The following VLDLR variants were observed in gnomAD, a reference collection of about 807,000 sequenced individuals.
VLDLR encodes very low-density lipoprotein receptor.
A neutral mutation model predicts 112.7 loss-of-function variants in VLDLR; 81 were observed. That is an observed-to-expected ratio of 0.72 (90% CI 0.60 to 0.86). The LOEUF is 0.86. Ranked by LOEUF, VLDLR falls within the 40% of genes least tolerant of loss-of-function variation. VLDLR has a pLI of 0.00. For missense variants in VLDLR, 1,237 were observed against 1,099.4 expected, an observed-to-expected ratio of 1.13 and a Z score of -1.77; for synonymous variants, 436 against 384.8, an observed-to-expected ratio of 1.13 and a Z score of -1.56.
chr9:2,624,769 G>C (rs767655038), intron 1 of VLDLR, among the ~76,000 whole-genome samples: 1 of 152,190 alleles, frequency 6.6e-6, no homozygotes, highest in Non-Finnish European at 1.5e-5. Flanking sequence ...AAGGTATGAC[G>C]ATGATAGTAC....
At position 2,645,101 on chromosome 9, in the gene VLDLR, G is replaced by A; in HGVS notation, c.1312+19G>A. 1 of 1,614,016 alleles carries A rather than the reference G, an allele frequency of 6.2e-7. No homozygotes were observed. The highest frequency in any genetic ancestry group is 8.5e-7 in the Non-Finnish European group (1 of 1,180,006). Reference sequence around the variant, plus strand: ...GCAGTAGGTAAATGAACTTGGACTGGTATGGCTGTTGTACCTTTATGAGTA... The same window carrying A: ...GCAGTAGGTAAATGAACTTGGACTGATATGGCTGTTGTACCTTTATGAGTA... On this transcript the variant is annotated intron_variant, in intron 9 of 18. Coordinates refer to ENST00000382100, the MANE Select transcript of VLDLR (RefSeq NM_003383.5).
rs1031520071 is a variant in VLDLR, at chr9:2,656,085, G to C, written c.*2217G>C. The C allele has an allele frequency of 6.7e-6, 1 of 149,752 alleles. No individual in the cohort carries two copies. The highest frequency in any genetic ancestry group is 1.5e-5 in the Non-Finnish European group (1 of 67,764). 9.3% of individuals were successfully genotyped at this position (149,752 alleles called of 1,614,324 possible). On this transcript the variant is annotated 3_prime_UTR_variant, in exon 19 of 19. Transcript: ENST00000382100. ...CCCAAAGTTTGTTTTGGCAAATAAA[G>C]TATTATTCTCTATCATCATCTTTTG...
chr9:2,639,913 C>G lies in VLDLR; in HGVS notation c.257C>G (p.Pro86Arg), dbSNP rs759156082. ...DFVCNNGQCV[P>R]SRWKCDGDPD... ...GTGTGCAACAATGGCCAGTGTGTTC[C>G]CAGCCGATGGAAGTGTGATGGAGAT... is the stretch of plus-strand genomic sequence containing the variant. Residue 86 changes from proline (P) to arginine (R), a missense_variant, in exon 3 of 19, where the codon CCC (proline) becomes CGC (arginine). Physicochemically the swap from Pro to Arg is moderately radical, Grantham distance 103. Coordinates refer to ENST00000382100, the MANE Select transcript of VLDLR (RefSeq NM_003383.5). 6.2e-7 allele frequency: 1 copy of G among 1,614,142 alleles called. No individual in the cohort carries two copies. The highest frequency in any genetic ancestry group is 1.7e-5 in the Admixed American group (1 of 60,010).
In VLDLR at chr9:2,650,352, A is replaced by AT. The variant is rs762881588; in HGVS notation, c.2105-10dup. The AT allele has an allele frequency of 9.3e-6, 15 of 1,613,132 alleles. No homozygotes were observed. The highest frequency in any genetic ancestry group is 3.3e-5 in the South Asian group (3 of 91,018). ...GCACCGGAATACCCATTTTAATGGT[A>AT]TTTTTTTTCCTGACTAGGTAAAAAT... On this transcript the variant is annotated splice_polypyrimidine_tract_variant and intron_variant, in intron 14 of 18. Coordinates refer to ENST00000382100, the MANE Select transcript of VLDLR (RefSeq NM_003383.5).
rs1375872187 is a variant in VLDLR, at chr9:2,658,844, G to T, written c.*4976G>T. On this transcript the variant is annotated 3_prime_UTR_variant, in exon 19 of 19. Coordinates refer to ENST00000382100, the MANE Select transcript of VLDLR (RefSeq NM_003383.5). Reference sequence around the variant, plus strand: ...TACCTTTATCTATGATGAATGTAATGTGTTAGATGGTGACCGAAGTGTTCT... The same window carrying T: ...TACCTTTATCTATGATGAATGTAATTTGTTAGATGGTGACCGAAGTGTTCT... The T allele has an allele frequency of 6.6e-6, 1 of 152,292 alleles. No homozygotes were observed. The highest frequency in any genetic ancestry group is 1.9e-4 in the East Asian group (1 of 5,180). The allele number at this position is 152,292 out of a possible 1,614,324, so 9.4% of individuals were successfully genotyped here.
At chr9:2,639,372 C>T (rs1817733999) in intron 2 of VLDLR, among the ~76,000 whole-genome samples, 1 of 152,126 alleles carries the variant, frequency 6.6e-6, no homozygotes, top group African/African-American at 2.4e-5. Context: ...TCCCAGAGGC[C>T]CTACCTCCTA....
At chr9:2,650,200 G>T (rs1269305644) in intron 14 of VLDLR, among the ~76,000 whole-genome samples, 170 bp from the exon 15 acceptor site, 1 of 152,142 alleles carries the variant, frequency 6.6e-6, no homozygotes, top group Non-Finnish European at 1.5e-5. Context: ...CATGCTGCCT[G>T]TACCTGTATA....
At chr9:2,652,533 G>GGGACCGA (rs1329892995) in intron 17 of VLDLR, among the ~76,000 whole-genome samples, 2 of 152,170 alleles carry the variant, frequency 1.3e-5, no homozygotes, top group African/African-American at 4.8e-5. Flanking sequence ...AGCCTAAGGT[G>GGGACCGA]GGACCGAGGA....
In VLDLR at chr9:2,659,662, T is replaced by C. The variant is rs114235648; in HGVS notation, c.*5794T>C. 6.6e-6 allele frequency: 1 copy of C among 152,164 alleles called. No individual in the cohort carries two copies. The highest frequency in any genetic ancestry group is 1.5e-5 in the Non-Finnish European group (1 of 68,034). The allele number at this position is 152,164 out of a possible 1,614,324, so 9.4% of individuals were successfully genotyped here. On this transcript the variant is annotated 3_prime_UTR_variant, in exon 19 of 19. Coordinates refer to ENST00000382100, the MANE Select transcript of VLDLR (RefSeq NM_003383.5). Reference sequence around the variant, plus strand: ...CAAGGCTCTCCTATAGGGAGAAACATGGCCAAAAAGACAGGAAGAACTGTG... The same window carrying C: ...CAAGGCTCTCCTATAGGGAGAAACACGGCCAAAAAGACAGGAAGAACTGTG...
At position 2,658,271 on chromosome 9, in the gene VLDLR, G is replaced by C. The variant is rs1398199061; in HGVS notation, c.*4403G>C. Reference sequence around the variant, plus strand: ...AAGCTACTAACAAACTGATAACAGTGGTGTTCCATCTCTCTATCATGTCTC... The same window carrying C: ...AAGCTACTAACAAACTGATAACAGTCGTGTTCCATCTCTCTATCATGTCTC... On this transcript the variant is annotated 3_prime_UTR_variant, in exon 19 of 19. Transcript: ENST00000382100. 6.6e-6 allele frequency: 1 copy of C among 152,148 alleles called. No homozygotes were observed. Among genetic ancestry groups the C allele is most frequent in the African/African-American group, 2.4e-5 (1 of 41,408 alleles). 9.4% of individuals were successfully genotyped at this position (152,148 alleles called of 1,614,324 possible).
At chr9:2,651,626 C>T (rs966006615) in intron 16 of VLDLR, 128 bp downstream of exon 16, 2 of 960,430 alleles carry the variant, frequency 2.1e-6, no homozygotes, top group Admixed American at 2.2e-5. Context: ...TATTTAAACA[C>T]CAAAGACTTA....
At chr9:2,651,275 T>A (rs1032476923) in intron 15 of VLDLR, 140 bp from the exon 16 acceptor site, 2 of 678,954 alleles carry the variant, frequency 2.9e-6, no homozygotes, top group Non-Finnish European at 5.2e-6. Flanking sequence ...TGTTGACACA[T>A]CAGCTGTACA....
rs1260041643 is a variant in VLDLR at position 2,639,941 on chromosome 9, T to C, written c.285T>C (p.Pro95=). 2 of 1,614,248 alleles carry C rather than the reference T, an allele frequency of 1.2e-6. No homozygotes were observed. The highest frequency in any genetic ancestry group is 3.3e-5 in the Admixed American group (2 of 60,030). The stretch of plus-strand genomic sequence containing the variant: ...GCCGATGGAAGTGTGATGGAGATCC[T>C]GACTGCGAAGATGGTTCAGATGAAA... ...VPSRWKCDGD[P]DCEDGSDESP... Residue 95 remains proline, a synonymous_variant, in exon 3 of 19, where the codon CCT becomes CCC. Transcript: ENST00000382100.
At chr9:2,635,267 A>C (rs901110144) in intron 1 of VLDLR, among the ~76,000 whole-genome samples, 186 bp from the exon 2 acceptor site, 3 of 152,178 alleles carry the variant, frequency 2.0e-5, no homozygotes, top group African/African-American at 7.2e-5. Flanking sequence ...TAGTCTTAGC[A>C]TGCACCCAGC....
At chr9:2,629,103 G>A (rs1817226672) in intron 1 of VLDLR, among the ~76,000 whole-genome samples, 1 of 152,230 alleles carries the variant, frequency 6.6e-6, no homozygotes, top group Non-Finnish European at 1.5e-5. Flanking sequence ...CATTAGAAAT[G>A]CAAACTTAGG....
chr9:2,632,397 A>G (rs1378963192), intron 1 of VLDLR, among the ~76,000 whole-genome samples: 2 of 152,172 alleles, frequency 1.3e-5, no homozygotes, highest in Non-Finnish European at 2.9e-5. Flanking sequence ...AATGCCTAGC[A>G]CTTCTACTTC....
At position 2,657,941 on chromosome 9, in the gene VLDLR, A is replaced by G. The variant is rs1703643912; in HGVS notation, c.*4073A>G. ...TTTTCTTGGGAAAACTAAAAATTGTACATCCATGCTTCAGCCATATCATGG... is the reference window on the plus strand; with the variant it reads ...TTTTCTTGGGAAAACTAAAAATTGTGCATCCATGCTTCAGCCATATCATGG... On this transcript the variant is annotated 3_prime_UTR_variant, in exon 19 of 19. Transcript: ENST00000382100. The G allele has an allele frequency of 6.6e-6, 1 of 152,238 alleles. No homozygotes were observed. Among genetic ancestry groups the G allele is most frequent in the African/African-American group, 2.4e-5 (1 of 41,466 alleles). 9.4% of individuals were successfully genotyped at this position (152,238 alleles called of 1,614,324 possible).
At chr9:2,639,757 T>C in intron 2 of VLDLR, 102 bp from the exon 3 acceptor site, 2 of 1,595,286 alleles carry the variant, frequency 1.3e-6, no homozygotes, top group Admixed American at 3.3e-5. Flanking sequence ...ACTCAGCTTT[T>C]TTTTAGAGCA....
At chr9:2,645,879 T>A in intron 10 of VLDLR, 134 bp downstream of exon 10, 1 of 957,452 alleles carries the variant, frequency 1.0e-6, no homozygotes, top group Non-Finnish European at 1.6e-6. Context: ...ACATTAAATC[T>A]AATGCTAATT....
Sources: gnomAD v4.1 joint callset for allele counts (sites outside exome capture counted in the v4.1 genomes callset) on GRCh38, gnomAD v4.1.1 for gene constraint, MANE v1.5 for transcripts, NCBI Gene and HGNC (gene_info 2026-07-23, HGNC 2026-07-21) for gene names.